The following MGST1 variants were observed in gnomAD, a reference collection of about 807,000 sequenced individuals.
The protein encoded by MGST1 is microsomal glutathione S-transferase 1.
MGST1 carries 5 observed loss-of-function variants against 8.9 expected under a neutral mutation model. The ratio of observed to expected loss-of-function variants is 0.56; its 90% confidence interval spans 0.29 to 1.19. The LOEUF (loss-of-function observed/expected upper bound fraction) is 1.19, where lower values mean the gene tolerates loss of function less well. Ranked by LOEUF, MGST1 falls within the 50% of genes most tolerant of loss-of-function variation. The pLI is 0.08. For synonymous variants in MGST1, 54 were observed against 67.8 expected (o/e 0.80, Z 1.00); for missense variants, 182 against 187.4 (o/e 0.97, Z 0.17).
rs1184859350 is a variant in MGST1 at position 16,560,037 on chromosome 12, C to T, written n.483-29491C>T. On this transcript the variant is annotated intron_variant and non_coding_transcript_variant, in intron 4 of 4. Coordinates refer to the MGST1 transcript ENST00000538857. The surrounding 1 kb of genome is among the most constrained non-coding windows in gnomAD (Gnocchi z 5.0). ...TAATAAGAATATAAAATACCTGCAA[C>T]AAATTCCTGTATATTTGCTTCATTG... is the stretch of plus-strand genomic sequence containing the variant. Among the ~76,000 whole-genome samples the T allele has an allele frequency of 2.0e-5, 3 of 151,990 alleles. No individual in the cohort carries two copies. Among genetic ancestry groups the T allele is most frequent in the Non-Finnish European group, 4.4e-5 (3 of 67,990 alleles).
intron 1 of MGST1, among the ~76,000 whole-genome samples, chr12:16,385,743 G>A (rs978501731): frequency 6.8e-6 from 1 of 147,050 alleles, no homozygotes; most frequent in Non-Finnish European, 1.5e-5. Flanking sequence ...ATTTGTCTTT[G>A]GCACGATACT....
chr12:16,505,871 G>A (rs141083175), intron 4 of MGST1, among the ~76,000 whole-genome samples: 1 of 152,268 alleles, frequency 6.6e-6, no homozygotes, highest in East Asian at 1.9e-4. Flanking sequence ...AAATGACTGG[G>A]CAGGAAACAG....
Position 16,466,515 on chromosome 12 carries a change from T to C in MGST1, n.482+82911T>C, listed in dbSNP as rs574678463. Among the ~76,000 whole-genome samples the C allele has an allele frequency of 9.8e-5, 15 of 152,356 alleles. No individual in the cohort carries two copies. The South Asian group carries it at 2.9e-3, about 29-fold the overall frequency. ...TCATCTGGTCTTAGATTTAAAACCTTGATTTAATGAAAGTGTTGATACCAC... is the reference window on the plus strand; with the variant it reads ...TCATCTGGTCTTAGATTTAAAACCTCGATTTAATGAAAGTGTTGATACCAC... On this transcript the variant is annotated intron_variant and non_coding_transcript_variant, in intron 4 of 4. Coordinates refer to the MGST1 transcript ENST00000538857.
At chr12:16,391,301 C>A (rs1182732573) in intron 1 of MGST1, among the ~76,000 whole-genome samples, 5 of 151,658 alleles carry the variant, frequency 3.3e-5, no homozygotes, top group African/African-American at 1.2e-4. Context: ...CTAATGCTCT[C>A]CCTCCCCTTT....
chr12:16,353,853 G>A (rs1216214606), intron 1 of MGST1, among the ~76,000 whole-genome samples: 4 of 145,926 alleles, frequency 2.7e-5, no homozygotes, highest in Admixed American at 7.0e-5. Context: ...TCCGCCTCCC[G>A]GATTTAAGCA....
intron 1 of MGST1, among the ~76,000 whole-genome samples, chr12:16,420,290 T>C (rs753392458): frequency 6.6e-6 from 1 of 152,160 alleles, no homozygotes; most frequent in African/African-American, 2.4e-5. Flanking sequence ...GATCTTTTGA[T>C]TGAAGAAGCC....
At chr12:16,423,878 C>T (rs1045457090) in intron 1 of MGST1, among the ~76,000 whole-genome samples, 4 of 152,204 alleles carry the variant, frequency 2.6e-5, no homozygotes, top group Non-Finnish European at 4.4e-5. Context: ...ATGATTCCCA[C>T]GTGATAGTCT....
Position 16,431,527 on chromosome 12 carries a change from A to G in MGST1, n.779-5861A>G, listed in dbSNP as rs545097089. ...ATTCAATATTTCAATATTGTGTTTC[A>G]TGCCCTAAGAAGAGGGAGGGATATG... On this transcript the variant is annotated intron_variant and non_coding_transcript_variant, in intron 1 of 1. Coordinates refer to the MGST1 transcript ENST00000359720. 5.3e-5 allele frequency among the ~76,000 whole-genome samples: 8 copies of G among 151,744 alleles called. No individual in the cohort carries two copies. In the South Asian group the frequency reaches 1.7e-3, roughly 32 times the overall value.
intron 4 of MGST1, among the ~76,000 whole-genome samples, chr12:16,464,520 G>A (rs1941241581): frequency 6.6e-6 from 1 of 152,154 alleles, no homozygotes; most frequent in Non-Finnish European, 1.5e-5. Context: ...TCACCAAAGG[G>A]CAAGTGTCAT....
chr12:16,414,170 C>A (rs1225924693), intron 1 of MGST1, among the ~76,000 whole-genome samples: 2 of 151,642 alleles, frequency 1.3e-5, no homozygotes, highest in Non-Finnish European at 2.9e-5. Flanking sequence ...TCTCTTTATT[C>A]CTGTGGAATA....
intron 4 of MGST1, among the ~76,000 whole-genome samples, chr12:16,579,163 G>A (rs1943085220): frequency 6.6e-6 from 1 of 151,984 alleles, no homozygotes; most frequent in African/African-American, 2.4e-5. Flanking sequence ...TTCTCTTCTA[G>A]CATTAAATTG....
At chr12:16,489,928 G>A (rs972223319) in intron 4 of MGST1, among the ~76,000 whole-genome samples, 1 of 152,022 alleles carries the variant, frequency 6.6e-6, no homozygotes, top group African/African-American at 2.4e-5. Context: ...AGTTACTTTG[G>A]TCAAAAAAAT....
chr12:16,440,239 G>A (rs1406979639), downstream of MGST1, among the ~76,000 whole-genome samples: 2 of 142,976 alleles, frequency 1.4e-5, no homozygotes, highest in African/African-American at 2.6e-5. Flanking sequence ...ATTAAGAAAT[G>A]TGTGTGTACA....
rs536385576 is a variant in MGST1, at chr12:16,401,697, C to G, written n.778+18093C>G. ...ACCACTCTGAATGATAGGAGGGTAA[C>G]ACATTTCCACAGTAGAAGGGTCTGC... On this transcript the variant is annotated intron_variant and non_coding_transcript_variant, in intron 1 of 1. Coordinates refer to the MGST1 transcript ENST00000359720. The surrounding 1 kb of genome is among the most constrained non-coding windows in gnomAD (Gnocchi z 4.3). The G allele has an allele frequency of 6.2e-7, 1 of 1,603,520 alleles. No homozygotes were observed. The highest frequency in any genetic ancestry group is 1.3e-5 in the African/African-American group (1 of 74,846).
At chr12:16,374,096 T>C (rs1254480442) in intron 3 of MGST1, among the ~76,000 whole-genome samples, 5 of 152,108 alleles carry the variant, frequency 3.3e-5, no homozygotes, top group African/African-American at 1.2e-4. Flanking sequence ...TGTAACACCA[T>C]TAAATCACTC....
Position 16,482,024 on chromosome 12 carries a change from AAGC to A in MGST1, n.482+98423_482+98425del, listed in dbSNP as rs146991968. Among the ~76,000 whole-genome samples the A allele has an allele frequency of 6.0e-3, 910 of 152,344 alleles. 6 individuals carry two copies. The highest frequency in any genetic ancestry group is 0.024 in the Middle Eastern group (7 of 294). Reference sequence around the variant, plus strand: ...GACATTTTACACAGAAAGGAATAATAAGCAGATTGACAATGTAAGCTAAGGCAT... The same window carrying A: ...GACATTTTACACAGAAAGGAATAATAAGATTGACAATGTAAGCTAAGGCAT... On this transcript the variant is annotated intron_variant and non_coding_transcript_variant, in intron 4 of 4. Transcript: ENST00000538857. The surrounding 1 kb of genome is among the most constrained non-coding windows in gnomAD (Gnocchi z 4.2).
intron 4 of MGST1, among the ~76,000 whole-genome samples, chr12:16,569,286 AC>A (rs2137419874): frequency 1.3e-5 from 2 of 152,196 alleles, no homozygotes; most frequent in Admixed American, 1.3e-4. Context: ...TTTCCTTCTC[AC>A]TATACTTCTT....
intron 4 of MGST1, among the ~76,000 whole-genome samples, chr12:16,460,813 A>C (rs2137124447): frequency 6.6e-6 from 1 of 152,104 alleles, no homozygotes; most frequent in South Asian, 2.1e-4. Context: ...GTTTTAATAG[A>C]TGTCAGGTGA....
rs1016253315 is a variant in MGST1 at position 16,559,555 on chromosome 12, A to T, written n.483-29973A>T. 3.3e-5 allele frequency among the ~76,000 whole-genome samples: 5 copies of T among 152,294 alleles called. No homozygotes were observed. The highest frequency in any genetic ancestry group is 7.4e-5 in the Non-Finnish European group (5 of 68,018). ...ACACTTTTTCAAATGCTCCTCTCCA[A>T]TGATAATAATTGTTTAATTATTAGC... is the stretch of plus-strand genomic sequence containing the variant. On this transcript the variant is annotated intron_variant and non_coding_transcript_variant, in intron 4 of 4. Transcript: ENST00000538857. This position sits in a 1 kb window ranked among gnomAD's most constrained non-coding sequence, Gnocchi z 4.1.
Sources: allele counts gnomAD v4.1 joint callset (sites outside exome capture counted in the v4.1 genomes callset), GRCh38; gene constraint gnomAD v4.1.1; non-coding constraint Gnocchi (gnomAD v3.1); transcripts MANE v1.5; gene names NCBI Gene and HGNC (gene_info 2026-07-23, HGNC 2026-07-21).